AMDHD1: variants seen among roughly 807,000 people sequenced by gnomAD.
The protein encoded by AMDHD1 is probable imidazolonepropionase.
Under a neutral mutation model 44.1 loss-of-function variants are expected in AMDHD1, and 45 were observed. The ratio of observed to expected loss-of-function variants is 1.02; its 90% CI spans 0.80 to 1.31. AMDHD1 has a LOEUF of 1.31. AMDHD1 is among the 50% of genes most tolerant of loss of function. The pLI is 0.00. For synonymous variants in AMDHD1, 206 were observed against 205.0 expected (o/e 1.00, Z -0.04); for missense variants, 586 against 552.1 (o/e 1.06, Z -0.61).
chr12:95,952,773 G>A lies in AMDHD1; in HGVS notation c.194G>A (p.Gly65Glu), dbSNP rs2080530820. Residue 65 changes from glycine to glutamate, a missense_variant, in exon 2 of 9, where the codon GGA becomes GAA. Physicochemically the swap from Gly to Glu is moderately conservative, Grantham distance 98. Coordinates refer to ENST00000266736, the MANE Select transcript of AMDHD1 (RefSeq NM_152435.3). Reference sequence around the variant, plus strand: ...GATGTTATTCAAAGACAGTTTTCTGGAGAAACTTTTGAAGAAATAATTGAC... The same window carrying A: ...GATGTTATTCAAAGACAGTTTTCTGAAGAAACTTTTGAAGAAATAATTGAC... ...PADVIQRQFSGETFEEIIDCS... is the reference protein window; with the variant it reads ...PADVIQRQFSEETFEEIIDCS... 1.2e-6 allele frequency: 2 copies of A among 1,613,084 alleles called. No individual in the cohort carries two copies.
At chr12:95,952,660 T>C (rs2080530287) in intron 1 of AMDHD1, 57 bp from the exon 2 acceptor site, 2 of 1,099,582 alleles carry the variant, frequency 1.8e-6, no homozygotes, top group Non-Finnish European at 2.8e-6. Context: ...AAGTCACTCA[T>C]CAGATTTCTC....
intron 4 of AMDHD1, among the ~76,000 whole-genome samples, chr12:95,959,858 C>T (rs535671012): frequency 3.1e-4 from 40 of 129,032 alleles, no homozygotes; most frequent in Admixed American, 1.5e-3. Context: ...TGCAGTGGTG[C>T]GATCTCGGCT....
At chr12:95,949,587 T>C (rs2080517629) in intron 1 of AMDHD1, among the ~76,000 whole-genome samples, 1 of 152,188 alleles carries the variant, frequency 6.6e-6, no homozygotes, top group Non-Finnish European at 1.5e-5. Flanking sequence ...AAAAAGTCAC[T>C]CAAACCCCAT....
At chr12:95,954,786 T>A (rs2080542023) in intron 2 of AMDHD1, 125 bp from the exon 3 acceptor site, 1 of 767,784 alleles carries the variant, frequency 1.3e-6, no homozygotes, top group Admixed American at 2.5e-5. Flanking sequence ...CCTTTCATGC[T>A]CCTCCAAAAT....
chr12:95,948,412 G>A lies in AMDHD1; in HGVS notation c.138-4305G>A, dbSNP rs1414131529. Reference sequence around the variant, plus strand: ...CAGTGGCCCCGTCCGGGAGGTGAGGGGCGCCTCTGCCCGGCCGCCCCTACT... The same window carrying A: ...CAGTGGCCCCGTCCGGGAGGTGAGGAGCGCCTCTGCCCGGCCGCCCCTACT... On this transcript the variant is annotated intron_variant, in intron 1 of 8. Coordinates refer to ENST00000266736, the MANE Select transcript of AMDHD1 (RefSeq NM_152435.3). Among the ~76,000 whole-genome samples, 565 of 63,140 alleles carry A rather than the reference G, an allele frequency of 8.9e-3. 1 individual carries two copies. Among genetic ancestry groups the A allele is most frequent in the African/African-American group, 0.048 (511 of 10,722 alleles). The allele number at this position is 63,140 out of a possible 152,430, so 41.4% of individuals were successfully genotyped here.
intron 5 of AMDHD1, among the ~76,000 whole-genome samples, chr12:95,961,421 T>C (rs2080581028): frequency 6.6e-6 from 1 of 152,234 alleles, no homozygotes; most frequent in East Asian, 1.9e-4. Flanking sequence ...TGCCAGGCAC[T>C]GTTTTAGGCA....
chr12:95,945,204 A>C (rs752049261), intron 1 of AMDHD1, among the ~76,000 whole-genome samples: 1 of 152,218 alleles, frequency 6.6e-6, no homozygotes. Flanking sequence ...GTTCCAAGAC[A>C]TGTTCTATGT....
At chr12:95,949,813 G>A (rs2080518550) in intron 1 of AMDHD1, among the ~76,000 whole-genome samples, 1 of 152,056 alleles carries the variant, frequency 6.6e-6, no homozygotes, top group Non-Finnish European at 1.5e-5. Flanking sequence ...ACACTTTTGG[G>A]GGAATGCTTT....
In AMDHD1 at chr12:95,945,783, G is replaced by GT. The variant is rs11313816; in HGVS notation, c.137+2259dup. ...AATTGGATGGATTTTAACAGTGTGTGTTTTTTTTTTTCCCAACAAGTATAT... is the reference window on the plus strand; with the variant it reads ...AATTGGATGGATTTTAACAGTGTGTGTTTTTTTTTTTTCCCAACAAGTATAT... On this transcript the variant is annotated intron_variant, in intron 1 of 8. Transcript: ENST00000266736. Among the ~76,000 whole-genome samples, 199 of 149,920 alleles carry GT rather than the reference G, an allele frequency of 1.3e-3. 1 individual carries two copies. The highest frequency in any genetic ancestry group is 3.4e-3 in the Middle Eastern group (1 of 294).
chr12:95,945,298 C>G (rs1333469639), intron 1 of AMDHD1, among the ~76,000 whole-genome samples: 2 of 152,164 alleles, frequency 1.3e-5, no homozygotes, highest in African/African-American at 2.4e-5. Flanking sequence ...TCATTTGAGT[C>G]TGCTACATTG....
intron 4 of AMDHD1, 92 bp from the exon 5 acceptor site, chr12:95,960,306 C>T: frequency 1.8e-6 from 2 of 1,082,336 alleles, no homozygotes; most frequent in South Asian, 1.5e-5. Flanking sequence ...TTTACCTCTA[C>T]TGCTCCTCAG....
chr12:95,963,255 A>G (rs1203302038), intron 6 of AMDHD1, among the ~76,000 whole-genome samples: 1 of 152,182 alleles, frequency 6.6e-6, no homozygotes, highest in Non-Finnish European at 1.5e-5. Context: ...TCTCAACCCC[A>G]GGGTAATTTT....
At chr12:95,952,141 C>T (rs1287244317) in intron 1 of AMDHD1, among the ~76,000 whole-genome samples, 1 of 152,130 alleles carries the variant, frequency 6.6e-6, no homozygotes, top group African/African-American at 2.4e-5. Flanking sequence ...TGGGGTATCC[C>T]TCAAGAAATT....
intron 1 of AMDHD1, among the ~76,000 whole-genome samples, chr12:95,946,411 T>TA (rs1317716923): frequency 6.6e-6 from 1 of 152,090 alleles, no homozygotes; most frequent in Non-Finnish European, 1.5e-5. Context: ...GCTGAGTAGT[T>TA]AGATTGTGCT....
At chr12:95,943,672 G>A (rs1416509532) in intron 1 of AMDHD1, 137 bp downstream of exon 1, 4 of 1,234,692 alleles carry the variant, frequency 3.2e-6, no homozygotes, top group East Asian at 3.2e-5. Flanking sequence ...AGCCTTTGGG[G>A]TACCTGTTGC....
At chr12:95,956,332 A>G (rs1034388607) in intron 3 of AMDHD1, among the ~76,000 whole-genome samples, 1 of 151,300 alleles carries the variant, frequency 6.6e-6, no homozygotes. Context: ...CTGTTCTTGA[A>G]CTCCTGACCT....
chr12:95,956,563 G>T, intron 3 of AMDHD1, 122 bp from the exon 4 acceptor site: 1 of 1,331,456 alleles, frequency 7.5e-7, no homozygotes, highest in South Asian at 1.4e-5. Flanking sequence ...TAATCTGATG[G>T]GTTGGTGCCC....
chr12:95,955,364 T>G (rs867908803), intron 3 of AMDHD1, among the ~76,000 whole-genome samples: 2 of 152,162 alleles, frequency 1.3e-5, no homozygotes, highest in South Asian at 4.2e-4. Context: ...AACTGAGACT[T>G]ATTAAGAATC....
chr12:95,966,733 G>A (rs1325047484), intron 8 of AMDHD1, among the ~76,000 whole-genome samples: 4 of 152,160 alleles, frequency 2.6e-5, no homozygotes, highest in African/African-American at 2.4e-5. Flanking sequence ...GGTATTTTTC[G>A]TAGATTTCCA....
Sources: gnomAD v4.1 joint callset for allele counts (sites outside exome capture counted in the v4.1 genomes callset) on GRCh38, gnomAD v4.1.1 for gene constraint, MANE v1.5 for transcripts, NCBI Gene and HGNC (gene_info 2026-07-23, HGNC 2026-07-21) for gene names.